Variants in ZNF536 observed in about 807,000 individuals in gnomAD.
The protein encoded by ZNF536 is zinc finger protein 536.
Under a neutral mutation model 84.5 loss-of-function variants are expected in ZNF536, and 13 were observed. The ratio of observed to expected loss-of-function variants is 0.15; its 90% CI spans 0.10 to 0.24. The LOEUF is 0.24. Ranked by LOEUF, ZNF536 falls within the 10% of genes least tolerant of loss-of-function variation. ZNF536 has a pLI of 1.00. For missense variants in ZNF536, 1,536 were observed against 1,747.5 expected (o/e 0.88, Z 2.16); for synonymous variants, 811 against 742.5 (o/e 1.09, Z -1.50).
At chr19:30,704,917 CTCAGCACTT>C (rs781716757) in intron 1 of ZNF536, among the ~76,000 whole-genome samples, 3 of 146,176 alleles carry the variant, frequency 2.1e-5, no homozygotes, top group Non-Finnish European at 3.0e-5. Context: ...TTCAGCAGAG[CTCAGCACTT>C]TTTTTTTTTT....
rs184137392 is a variant in ZNF536 at position 30,351,155 on chromosome 19, T to G, written c.-119-1213T>G. On this transcript the variant is annotated intron_variant, in intron 2 of 5. Transcript: ENST00000585628. ...CAAGAAAAAGAATAAAACTGGGGCA[T>G]TTTTTTTATAACCTGTTCCCCACTG... 3.9e-3 allele frequency among the ~76,000 whole-genome samples: 594 copies of G among 152,090 alleles called. 4 individuals carry two copies. Among genetic ancestry groups the G allele is most frequent in the African/African-American group, 0.014 (572 of 41,508 alleles).
At position 30,383,078 on chromosome 19, in the gene ZNF536, T is replaced by A. The variant is rs540033773; in HGVS notation, c.-3+10522T>A. On this transcript the variant is annotated intron_variant, in intron 1 of 4. Coordinates refer to ENST00000355537, the MANE Select transcript of ZNF536 (RefSeq NM_014717.3). The stretch of plus-strand genomic sequence containing the variant: ...GTCAAGGTGGGCGGATCACCTGAGG[T>A]CGGGAGTTCGAGACCAGTCTGGTTA... Among the ~76,000 whole-genome samples, 33 of 152,124 alleles carry A rather than the reference T, an allele frequency of 2.2e-4. 1 individual carries two copies. The East Asian group carries it at 5.8e-3, about 27-fold the overall frequency.
Position 30,443,543 on chromosome 19 carries a change from C to A in ZNF536, c.-2-18C>A. The A allele has an allele frequency of 6.6e-7, 1 of 1,523,528 alleles. No homozygotes were observed. The highest frequency in any genetic ancestry group is 8.8e-7 in the Non-Finnish European group (1 of 1,137,866). 94.4% of individuals were successfully genotyped at this position (1,523,528 alleles called of 1,614,324 possible). A position where few individuals can be genotyped will look rare whatever the true frequency, so the allele number is the denominator to read the frequency against. Reference sequence around the variant, plus strand: ...CAGCCGCACCTGGCACGGATCTGAACTCTGCCTCTCTTTTCAGGGATGGAA... The same window carrying A: ...CAGCCGCACCTGGCACGGATCTGAAATCTGCCTCTCTTTTCAGGGATGGAA... On this transcript the variant is annotated intron_variant, in intron 1 of 4. Transcript: ENST00000355537.
chr19:30,625,391 C>T (rs1004754580), intron 1 of ZNF536, among the ~76,000 whole-genome samples: 17 of 152,236 alleles, frequency 1.1e-4, no homozygotes, highest in Middle Eastern at 3.4e-3. Flanking sequence ...CTTGTGTTGG[C>T]CTCATTATAT....
chr19:30,693,901 A>C (rs2051538201), intron 1 of ZNF536, among the ~76,000 whole-genome samples: 1 of 152,186 alleles, frequency 6.6e-6, no homozygotes, highest in Non-Finnish European at 1.5e-5. Context: ...TCACATTAAT[A>C]CAATACAACC....
chr19:30,320,656 G>A (rs2046823704), intron 2 of ZNF536, among the ~76,000 whole-genome samples: 1 of 152,094 alleles, frequency 6.6e-6, no homozygotes, highest in Admixed American at 6.5e-5. Flanking sequence ...CAGATGGAAC[G>A]GTGTGGAGCG....
intron 3 of ZNF536, among the ~76,000 whole-genome samples, chr19:30,535,563 C>T (rs747899480): frequency 4.6e-5 from 7 of 152,230 alleles, no homozygotes; most frequent in Non-Finnish European, 1.0e-4. Context: ...AATTGAGATG[C>T]TCTTAGGCAA....
At chr19:30,477,904 A>T (rs531633357) in intron 2 of ZNF536, among the ~76,000 whole-genome samples, 1 of 152,350 alleles carries the variant, frequency 6.6e-6, no homozygotes, top group African/African-American at 2.4e-5. Context: ...TACTCTACAG[A>T]AATAAAAATC....
At chr19:30,349,602 G>C (rs139835451) in intron 2 of ZNF536, among the ~76,000 whole-genome samples, 18 of 151,958 alleles carry the variant, frequency 1.2e-4, no homozygotes, top group Non-Finnish European at 2.5e-4. Flanking sequence ...GTGTACACTC[G>C]AGAAGAACTA....
chr19:30,392,401 T>G (rs1245235935), intron 1 of ZNF536, among the ~76,000 whole-genome samples: 1 of 152,160 alleles, frequency 6.6e-6, no homozygotes, highest in Non-Finnish European at 1.5e-5. Flanking sequence ...TTCATGCCCA[T>G]GTGGAGACAA....
chr19:30,261,697 C>CAAAAAAAAAAAAA (rs56820609), intron 1 of ZNF536, among the ~76,000 whole-genome samples: 1 of 99,922 alleles, frequency 1.0e-5, no homozygotes, highest in African/African-American at 3.6e-5. Flanking sequence ...GGACCTTGTC[C>CAAAAAAAAAAAAA]AAAAAAAAAA....
At chr19:30,582,912 A>C (rs980215236) in intron 1 of ZNF536, among the ~76,000 whole-genome samples, 12 of 152,196 alleles carry the variant, frequency 7.9e-5, no homozygotes, top group Admixed American at 5.2e-4. Flanking sequence ...CTACAATTCA[A>C]GATGAGATTT....
chr19:30,571,951 C>T (rs573361696), intron 1 of ZNF536, among the ~76,000 whole-genome samples: 1 of 152,282 alleles, frequency 6.6e-6, no homozygotes, highest in South Asian at 2.1e-4. Context: ...TGTTTTCACG[C>T]ATCCAAATTG....
chr19:30,573,555 T>C (rs2046625924), intron 1 of ZNF536, among the ~76,000 whole-genome samples: 1 of 152,166 alleles, frequency 6.6e-6, no homozygotes, highest in Admixed American at 6.5e-5. Context: ...TTTGGAAACA[T>C]GATACTATGA....
At chr19:30,665,455 G>C (rs928465013) in intron 1 of ZNF536, 1 of 152,284 alleles carries the variant, frequency 6.6e-6, no homozygotes, top group African/African-American at 2.4e-5. Flanking sequence ...ACAGCAGACT[G>C]GGGGGATCAG....
At chr19:30,375,390 C>G (rs1017676254) in intron 1 of ZNF536, among the ~76,000 whole-genome samples, 1 of 152,090 alleles carries the variant, frequency 6.6e-6, no homozygotes. Context: ...CACCCGCGGG[C>G]TGGGTGCGCG....
intron 4 of ZNF536, among the ~76,000 whole-genome samples, chr19:30,550,791 C>A (rs10410482): frequency 0.021 from 3,160 of 152,228 alleles, 108 homozygotes; most frequent in African/African-American, 0.072. Flanking sequence ...TCACTAGGAA[C>A]TGAATCAAGC....
In ZNF536 at chr19:30,511,974, G is replaced by A. The variant is rs188437950; in HGVS notation, c.2171-22873G>A. 2.7e-3 allele frequency among the ~76,000 whole-genome samples: 416 copies of A among 152,266 alleles called. 1 individual carries two copies. Among genetic ancestry groups the A allele is most frequent in the African/African-American group, 9.3e-3 (385 of 41,534 alleles). On this transcript the variant is annotated intron_variant, in intron 2 of 4. Transcript: ENST00000355537. ...GCAGAGTCCATAAAGGGTCCTTGGA[G>A]GATAATCCATACATTTACATTAAGT...
Position 30,557,248 on chromosome 19 carries a change from T to C in ZNF536, c.*84T>C, listed in dbSNP as rs2045999483. 3 of 1,493,878 alleles carry C rather than the reference T, an allele frequency of 2.0e-6. No individual in the cohort carries two copies. The highest frequency in any genetic ancestry group is 2.8e-5 in the African/African-American group (2 of 72,502). The allele number at this position is 1,493,878 out of a possible 1,614,324, so 92.5% of individuals were successfully genotyped here. On this transcript the variant is annotated 3_prime_UTR_variant, in exon 5 of 5. Coordinates refer to ENST00000355537, the MANE Select transcript of ZNF536 (RefSeq NM_014717.3). Reference sequence around the variant, plus strand: ...GGTTATCTGCAGCTTGTTAATCGTGTAAAGTCAAGAGAAGAATGTATACAC... The same window carrying C: ...GGTTATCTGCAGCTTGTTAATCGTGCAAAGTCAAGAGAAGAATGTATACAC...
Sources: gnomAD v4.1 joint callset for allele counts (sites outside exome capture counted in the v4.1 genomes callset) on GRCh38, gnomAD v4.1.1 for gene constraint, MANE v1.5 for transcripts, NCBI Gene and HGNC (gene_info 2026-07-23, HGNC 2026-07-21) for gene names.